The following LPCAT1 variants were observed in gnomAD, a reference collection of about 807,000 sequenced individuals.
LPCAT1 encodes the protein 1-acylglycerol-3-phosphate O-acyltransferase.
LPCAT1 carries 23 observed loss-of-function variants against 60.9 expected under a neutral mutation model. The ratio of observed to expected loss-of-function variants is 0.38; its 90% confidence interval spans 0.27 to 0.53. The LOEUF is 0.53. Among genes scored for constraint, LPCAT1 ranks in the 20% least tolerant of loss-of-function variants. LPCAT1 has a pLI of 0.82. For missense variants in LPCAT1, 622 were observed against 723.6 expected, an observed-to-expected ratio of 0.86 and a Z score of 1.61; for synonymous variants, 340 against 301.1, an observed-to-expected ratio of 1.13 and a Z score of -1.34.
intron 1 of LPCAT1, among the ~76,000 whole-genome samples, chr5:1,516,840 G>A (rs983207741): frequency 2.6e-5 from 4 of 152,226 alleles, no homozygotes; most frequent in African/African-American, 9.6e-5. Flanking sequence ...ACCAGTCACA[G>A]CAGAGGAAAG....
At chr5:1,505,517 G>A (rs570185539) in intron 1 of LPCAT1, among the ~76,000 whole-genome samples, 5 of 152,228 alleles carry the variant, frequency 3.3e-5, no homozygotes, top group South Asian at 2.1e-4. Flanking sequence ...CAAACAACAC[G>A]GGGCATGAAT....
At chr5:1,519,171 G>A (rs1333153891) in intron 1 of LPCAT1, among the ~76,000 whole-genome samples, 2 of 152,226 alleles carry the variant, frequency 1.3e-5, no homozygotes, top group Non-Finnish European at 2.9e-5. Context: ...TCACAATCAC[G>A]GGTTTCTGCA....
rs768397564 is a variant in LPCAT1, at chr5:1,521,072, T to A, written c.135+2638A>T. On this transcript the variant is annotated intron_variant, in intron 1 of 13. Coordinates refer to ENST00000283415, the MANE Select transcript of LPCAT1 (RefSeq NM_024830.5). The surrounding 1 kb of genome is among the most constrained non-coding windows in gnomAD (Gnocchi z 4.3). ...CTGAACTCACTAAGATCCTGTACCA[T>A]ACCATTTACCGCTCTCTACTAAATC... Among the ~76,000 whole-genome samples, 1 of 152,134 alleles carries A rather than the reference T, an allele frequency of 6.6e-6. No individual in the cohort carries two copies. Among genetic ancestry groups the A allele is most frequent in the African/African-American group, 2.4e-5 (1 of 41,408 alleles).
rs769356483 is a variant in LPCAT1, at chr5:1,470,880, C to T, written c.1224G>A (p.Leu408=). The change falls in exon 12 of 14, where the codon CTG becomes CTA. Residue 408 remains leucine, a synonymous_variant. Transcript: ENST00000283415. ...TCCGGGCCGGCCGGCAGACGACAGA[C>T]AGGGCAACCACACACTCTCGCAGGT... ...EVDLRECVVA[L]SVVCRPARTL... 1.2e-6 allele frequency: 2 copies of T among 1,613,552 alleles called. No homozygotes were observed. Among genetic ancestry groups the T allele is most frequent in the Non-Finnish European group, 1.7e-6 (2 of 1,180,008 alleles).
intron 6 of LPCAT1, among the ~76,000 whole-genome samples, chr5:1,482,521 T>G (rs1467038283): frequency 3.0e-4 from 3 of 10,052 alleles, no homozygotes; most frequent in African/African-American, 6.2e-4. Flanking sequence ...TGGGCTGGGG[T>G]GGGGTGGGGT....
Position 1,463,333 on chromosome 5 carries a change from A to AT in LPCAT1, c.*317_*318insA. On this transcript the variant is annotated 3_prime_UTR_variant, in exon 14 of 14. Coordinates refer to ENST00000283415, the MANE Select transcript of LPCAT1 (RefSeq NM_024830.5). ...GCCGCCGGAAGAGGCTGTGACAGAG[A>AT]CTCGAAACCAGGGCCCCGTGGGAGA... is the stretch of plus-strand genomic sequence containing the variant. The AT allele has an allele frequency of 3.3e-6, 1 of 304,142 alleles. No individual in the cohort carries two copies. The highest frequency in any genetic ancestry group is 6.0e-5 in the East Asian group (1 of 16,656). The allele number at this position is 304,142 out of a possible 1,614,324, so 18.8% of individuals were successfully genotyped here. A position where few individuals can be genotyped will look rare whatever the true frequency, so the allele number is the denominator to read the frequency against.
chr5:1,467,754 C>CT (rs1734487199), intron 12 of LPCAT1, among the ~76,000 whole-genome samples: 1 of 151,550 alleles, frequency 6.6e-6, no homozygotes, highest in Non-Finnish European at 1.5e-5. Context: ...GCGCTTTCCT[C>CT]TGAGGTCCCG....
At chr5:1,512,831 G>A (rs1373548808) in intron 1 of LPCAT1, among the ~76,000 whole-genome samples, 1 of 152,224 alleles carries the variant, frequency 6.6e-6, no homozygotes, top group Non-Finnish European at 1.5e-5. Flanking sequence ...TCATTCTGCA[G>A]ACAATTCCTG....
rs540598965 is a variant in LPCAT1, at chr5:1,515,535, C to T, written c.135+8175G>A. Among the ~76,000 whole-genome samples the T allele has an allele frequency of 2.0e-5, 3 of 148,816 alleles. No individual in the cohort carries two copies. In the East Asian group the frequency reaches 6.1e-4, roughly 30 times the overall value. On this transcript the variant is annotated intron_variant, in intron 1 of 13. Coordinates refer to ENST00000283415, the MANE Select transcript of LPCAT1 (RefSeq NM_024830.5). ...CCCTGCCCCACACTACCCGCAGATA[C>T]AGGGGCCCCCCAGAACATCTTGGCC...
intron 3 of LPCAT1, among the ~76,000 whole-genome samples, chr5:1,492,735 A>G (rs1735637323): frequency 6.6e-6 from 1 of 152,200 alleles, no homozygotes. Flanking sequence ...CTAGAAAGAT[A>G]GGACTACAAC....
In LPCAT1 at chr5:1,502,395, G is replaced by T. The variant is rs1326007208; in HGVS notation, c.136-792C>A. Among the ~76,000 whole-genome samples the T allele has an allele frequency of 6.6e-6, 1 of 152,206 alleles. No individual in the cohort carries two copies. Among genetic ancestry groups the T allele is most frequent in the Non-Finnish European group, 1.5e-5 (1 of 68,032 alleles). On this transcript the variant is annotated intron_variant, in intron 1 of 13. Transcript: ENST00000283415. This position sits in a 1 kb window ranked among gnomAD's most constrained non-coding sequence, Gnocchi z 5.5. ...GGGGGAGGTAGCTGGCCTGCAGTTT[G>T]CAAGGTTGGACCTCAGACCACAGAG...
At chr5:1,516,430 A>G (rs555438026) in intron 1 of LPCAT1, among the ~76,000 whole-genome samples, 4 of 152,232 alleles carry the variant, frequency 2.6e-5, no homozygotes, top group Admixed American at 1.3e-4. Flanking sequence ...TAGGAGAACA[A>G]ACAGACTCCA....
chr5:1,479,782 T>G, intron 7 of LPCAT1, 107 bp from the exon 8 acceptor site: 1 of 839,572 alleles, frequency 1.2e-6, no homozygotes, highest in Non-Finnish European at 2.0e-6. Flanking sequence ...CAGAGGGCGC[T>G]ACTGGGCAGT....
intron 11 of LPCAT1, 40 bp downstream of exon 11, chr5:1,473,917 G>A (rs2126500656): frequency 6.3e-7 from 1 of 1,589,374 alleles, no homozygotes; most frequent in South Asian, 1.1e-5. Context: ...AAAAGCAGGA[G>A]GTTTTGCCGA....
intron 1 of LPCAT1, among the ~76,000 whole-genome samples, chr5:1,504,968 T>G (rs1736138289): frequency 6.6e-6 from 1 of 150,818 alleles, no homozygotes; most frequent in Non-Finnish European, 1.5e-5. Context: ...TGGAATAAAA[T>G]CACAGTAACC....
In LPCAT1 at chr5:1,496,417, C is replaced by CA. The variant is rs755376822; in HGVS notation, c.279-1504dup. ...TCTTCTGTGCACATGTTATTTTCCA[C>CA]AAAAAAAAAAAAAAAGTACAAAAAC... is the stretch of plus-strand genomic sequence containing the variant. On this transcript the variant is annotated intron_variant, in intron 2 of 13. Transcript: ENST00000283415. The surrounding 1 kb of genome is among the most constrained non-coding windows in gnomAD (Gnocchi z 4.7). Among the ~76,000 whole-genome samples the CA allele has an allele frequency of 0.13, 16,240 of 121,844 alleles. 938 individuals carry two copies. The highest frequency in any genetic ancestry group is 0.18 in the South Asian group (693 of 3,906). 79.9% of individuals were successfully genotyped at this position (121,844 alleles called of 152,430 possible).
intron 1 of LPCAT1, among the ~76,000 whole-genome samples, chr5:1,518,618 G>A (rs1736581068): frequency 6.6e-6 from 1 of 152,228 alleles, no homozygotes; most frequent in Non-Finnish European, 1.5e-5. Context: ...GGGATTACAG[G>A]CGTGAGCCGT....
rs1734128236 is a variant in LPCAT1, at chr5:1,462,235, AACCCGG to A, written c.*1410_*1415del. The A allele has an allele frequency of 6.6e-6, 1 of 152,644 alleles. No individual in the cohort carries two copies. Among genetic ancestry groups the A allele is most frequent in the Non-Finnish European group, 1.5e-5 (1 of 68,038 alleles). The allele number at this position is 152,644 out of a possible 1,614,324, so 9.5% of individuals were successfully genotyped here. A position where few individuals can be genotyped will look rare whatever the true frequency, so the allele number is the denominator to read the frequency against. ...AGAAATCAAAAAAATTTTCCAAACA[AACCCGG>A]AGCCTTTGCTTTAGGAAGCAAACTC... On this transcript the variant is annotated 3_prime_UTR_variant, in exon 14 of 14. Transcript: ENST00000283415.
At chr5:1,473,918 G>A (rs1734790354) in intron 11 of LPCAT1, 39 bp downstream of exon 11, 1 of 1,591,266 alleles carries the variant, frequency 6.3e-7, no homozygotes. Context: ...AAAGCAGGAG[G>A]TTTTGCCGAC....
Sources: allele counts gnomAD v4.1 joint callset (sites outside exome capture counted in the v4.1 genomes callset), GRCh38; gene constraint gnomAD v4.1.1; non-coding constraint Gnocchi (gnomAD v3.1); transcripts MANE v1.5; gene names NCBI Gene and HGNC (gene_info 2026-07-23, HGNC 2026-07-21).